Variants in SGCZ observed in about 807,000 individuals in gnomAD.
SGCZ encodes the protein zeta-sarcoglycan.
Under a neutral mutation model 41.3 loss-of-function variants are expected in SGCZ, and 40 were observed. The ratio of observed to expected loss-of-function variants is 0.97; its 90% CI spans 0.75 to 1.26. The LOEUF (loss-of-function observed/expected upper bound fraction) is 1.26. SGCZ is among the 50% of genes most tolerant of loss of function. The pLI is 0.00. For synonymous variants in SGCZ, 206 were observed against 137.5 expected, an observed-to-expected ratio of 1.50 and a Z score of -3.49; for missense variants, 552 against 369.8, an observed-to-expected ratio of 1.49 and a Z score of -4.04.
At chr8:14,420,112 C>T (rs578134607) in intron 2 of SGCZ, among the ~76,000 whole-genome samples, 3 of 152,058 alleles carry the variant, frequency 2.0e-5, no homozygotes, top group South Asian at 4.1e-4. Context: ...ATAATCCAGC[C>T]TGTTAAACTG....
intron 1 of SGCZ, among the ~76,000 whole-genome samples, chr8:14,823,055 TAAA>T (rs34307530): frequency 0.011 from 820 of 75,468 alleles, 12 homozygotes; most frequent in African/African-American, 0.035. Context: ...CCAATCCTCA[TAAA>T]AAAAAAAAAA....
intron 2 of SGCZ, among the ~76,000 whole-genome samples, chr8:14,407,451 A>G (rs1799242923): frequency 6.6e-6 from 1 of 152,134 alleles, no homozygotes; most frequent in African/African-American, 2.4e-5. Context: ...TGGGTGGTGG[A>G]TTCAGGATCA....
intron 1 of SGCZ, among the ~76,000 whole-genome samples, chr8:14,667,408 T>C (rs1369946098): frequency 6.6e-6 from 1 of 152,152 alleles, no homozygotes; most frequent in Non-Finnish European, 1.5e-5. Context: ...GTGCACAAAA[T>C]GTGGGATATC....
intron 5 of SGCZ, among the ~76,000 whole-genome samples, chr8:14,145,049 A>T (rs1456247450): frequency 6.6e-6 from 1 of 152,166 alleles, no homozygotes; most frequent in Non-Finnish European, 1.5e-5. Context: ...GAGGCCCAGG[A>T]GACCTCACTG....
chr8:14,159,615 T>C (rs1484390799), intron 5 of SGCZ, among the ~76,000 whole-genome samples: 2 of 152,188 alleles, frequency 1.3e-5, no homozygotes, highest in African/African-American at 4.8e-5. Context: ...CTACAAACTT[T>C]AAAGTTTCAG....
chr8:14,708,296 A>G (rs1380022825), intron 1 of SGCZ, among the ~76,000 whole-genome samples: 2 of 151,996 alleles, frequency 1.3e-5, no homozygotes, highest in Non-Finnish European at 2.9e-5. Context: ...TTCATAGAAT[A>G]TTAATTTATG....
At chr8:14,341,885 C>G (rs914765608) in intron 2 of SGCZ, among the ~76,000 whole-genome samples, 1 of 152,178 alleles carries the variant, frequency 6.6e-6, no homozygotes. Flanking sequence ...CCAATTAAAC[C>G]TCTTTTTCTT....
chr8:14,938,087 A>G (rs986440568), intron 1 of SGCZ, among the ~76,000 whole-genome samples: 1 of 152,158 alleles, frequency 6.6e-6, no homozygotes, highest in South Asian at 2.1e-4. Flanking sequence ...TATATACATA[A>G]TGATGCATAT....
intron 1 of SGCZ, among the ~76,000 whole-genome samples, chr8:14,784,143 C>T (rs1029299266): frequency 6.6e-6 from 1 of 151,668 alleles, no homozygotes; most frequent in African/African-American, 2.4e-5. Flanking sequence ...CTTGACCTCG[C>T]AGGCTCAATA....
At chr8:15,181,284 C>G (rs1471577769) in intron 1 of SGCZ, among the ~76,000 whole-genome samples, 1 of 151,612 alleles carries the variant, frequency 6.6e-6, no homozygotes, top group Non-Finnish European at 1.5e-5. Flanking sequence ...ACTTTCTGCA[C>G]CTCGCTCTTC....
rs145876343 is a variant in SGCZ at position 14,096,711 on chromosome 8, T to G, written c.744+5665A>C. On this transcript the variant is annotated intron_variant, in intron 7 of 7. Coordinates refer to ENST00000382080, the MANE Select transcript of SGCZ (RefSeq NM_139167.4). ...CTCTTCTTTGTACCTCTGGTAGAAT[T>G]CAGCTTTGTATCTGTCTGGTCCAGA... Among the ~76,000 whole-genome samples the G allele has an allele frequency of 1.3e-3, 192 of 152,288 alleles. 2 individuals are homozygous for G. In the East Asian group the frequency reaches 0.03, roughly 24 times the overall value.
At chr8:14,332,362 A>T (rs2117054251) in intron 2 of SGCZ, among the ~76,000 whole-genome samples, 1 of 152,004 alleles carries the variant, frequency 6.6e-6, no homozygotes, top group African/African-American at 2.4e-5. Context: ...AATGGTGTGA[A>T]CCCGGGAGGC....
rs555644367 is a variant in SGCZ at position 14,201,404 on chromosome 8, A to G, written c.424+36188T>C. 3.0e-3 allele frequency among the ~76,000 whole-genome samples: 454 copies of G among 152,296 alleles called. 2 individuals carry two copies. Among genetic ancestry groups the G allele is most frequent in the Non-Finnish European group, 5.0e-3 (340 of 68,014 alleles). ...TGTCCTTTAACTTTCAAATGGATAG[A>G]GAAACTGTGGTACATCCATGCAACA... On this transcript the variant is annotated intron_variant, in intron 4 of 7. Transcript: ENST00000382080.
chr8:14,662,127 G>A (rs1205857368), intron 1 of SGCZ, among the ~76,000 whole-genome samples: 4 of 142,712 alleles, frequency 2.8e-5, no homozygotes, highest in Non-Finnish European at 4.5e-5. Flanking sequence ...TCAAAATCCA[G>A]TCACTGTAAT....
Position 14,212,423 on chromosome 8 carries a change from C to T in SGCZ, c.424+25169G>A, listed in dbSNP as rs181438017. On this transcript the variant is annotated intron_variant, in intron 4 of 7. Coordinates refer to ENST00000382080, the MANE Select transcript of SGCZ (RefSeq NM_139167.4). ...CAAGCAGGAGCTTTAATAGATGATCCCCCTGCCTCTTCAAAGAGAACAACC... is the reference window on the plus strand; with the variant it reads ...CAAGCAGGAGCTTTAATAGATGATCTCCCTGCCTCTTCAAAGAGAACAACC... 1.3e-3 allele frequency among the ~76,000 whole-genome samples: 192 copies of T among 147,476 alleles called. 1 individual carries two copies. Among genetic ancestry groups the T allele is most frequent in the African/African-American group, 4.7e-3 (188 of 39,770 alleles).
chr8:14,970,732 CTT>C, intron 1 of SGCZ, among the ~76,000 whole-genome samples: 1 of 152,128 alleles, frequency 6.6e-6, no homozygotes, highest in East Asian at 1.9e-4. Flanking sequence ...ATCAGAGAGT[CTT>C]AGTCCTCCTG....
chr8:14,973,248 C>A (rs907331458), intron 1 of SGCZ, among the ~76,000 whole-genome samples: 4 of 152,104 alleles, frequency 2.6e-5, no homozygotes, highest in Non-Finnish European at 4.4e-5. Flanking sequence ...GAAATGTCAT[C>A]ATCGAGGAAG....
chr8:14,835,153 A>G (rs1276981171), intron 1 of SGCZ, among the ~76,000 whole-genome samples: 3 of 152,176 alleles, frequency 2.0e-5, no homozygotes, highest in African/African-American at 7.2e-5. Flanking sequence ...CCTTTCTTAG[A>G]TCATCCTAAT....
chr8:14,630,968 T>C (rs1035446717), intron 1 of SGCZ, among the ~76,000 whole-genome samples: 2 of 151,934 alleles, frequency 1.3e-5, no homozygotes, highest in Non-Finnish European at 1.5e-5. Flanking sequence ...CATGTATACA[T>C]ATGTAACAAA....
Sources: allele counts gnomAD v4.1 joint callset (sites outside exome capture counted in the v4.1 genomes callset), GRCh38; gene constraint gnomAD v4.1.1; transcripts MANE v1.5; gene names NCBI Gene and HGNC (gene_info 2026-07-23, HGNC 2026-07-21).